The following PRKACB variants were observed in gnomAD, a reference collection of about 807,000 sequenced individuals.
PRKACB encodes the protein protein kinase cAMP-activated catalytic subunit beta.
In PRKACB, 16 loss-of-function variants were observed where a neutral mutation model predicts 51.4. The ratio of observed to expected loss-of-function variants is 0.31; its 90% CI spans 0.21 to 0.47. The LOEUF is 0.47. Ranked by LOEUF, PRKACB falls within the 20% of genes least tolerant of loss-of-function variation. The pLI, the probability that PRKACB is intolerant of heterozygous loss-of-function variation, is 1.00. For synonymous variants in PRKACB, 147 were observed against 154.4 expected, an observed-to-expected ratio of 0.95 and a Z score of 0.35; for missense variants, 309 against 464.5, an observed-to-expected ratio of 0.67 and a Z score of 3.08.
intron 1 of PRKACB, among the ~76,000 whole-genome samples, chr1:84,156,070 C>T (rs1466164020): frequency 6.6e-6 from 1 of 151,998 alleles, no homozygotes; most frequent in Non-Finnish European, 1.5e-5. Flanking sequence ...CTCACTGCAG[C>T]CTTGTTCTCC....
At chr1:84,099,573 T>G (rs184912565) in intron 1 of PRKACB, among the ~76,000 whole-genome samples, 8 of 152,062 alleles carry the variant, frequency 5.3e-5, no homozygotes, top group Admixed American at 4.6e-4. Flanking sequence ...TAAATGAATA[T>G]CCTTTGAGAA....
intron 1 of PRKACB, among the ~76,000 whole-genome samples, chr1:84,083,985 C>T (rs1304987614): frequency 3.3e-5 from 5 of 152,210 alleles, no homozygotes; most frequent in African/African-American, 1.2e-4. Context: ...TCAGGGTGCC[C>T]ATATTCCAGA....
intron 1 of PRKACB, among the ~76,000 whole-genome samples, chr1:84,091,461 G>C (rs1414721472): frequency 6.6e-6 from 1 of 151,846 alleles, no homozygotes; most frequent in Non-Finnish European, 1.5e-5. Context: ...ACAATTTCTT[G>C]GTTCTTTATG....
At chr1:84,196,971 A>G (rs1668397981) in intron 6 of PRKACB, among the ~76,000 whole-genome samples, 1 of 152,210 alleles carries the variant, frequency 6.6e-6, no homozygotes, top group Non-Finnish European at 1.5e-5. Context: ...AGCCTCTTGC[A>G]TAAGGAGATA....
intron 1 of PRKACB, among the ~76,000 whole-genome samples, chr1:84,159,933 TG>T (rs1202263162): frequency 6.6e-6 from 1 of 152,124 alleles, no homozygotes; most frequent in Non-Finnish European, 1.5e-5. Flanking sequence ...AAATCCCACA[TG>T]GTCATTGTGT....
rs182776774 is a variant in PRKACB at position 84,094,996 on chromosome 1, G to A, written c.46+16625G>A. 3.7e-4 allele frequency among the ~76,000 whole-genome samples: 57 copies of A among 152,046 alleles called. No homozygotes were observed. In the East Asian group the frequency reaches 0.01, roughly 28 times the overall value. ...TACAACTGCCTACAGAATTCAGTTA[G>A]TAACATGCAGTATAGGATTGTAGCC... On this transcript the variant is annotated intron_variant, in intron 1 of 8. Transcript: ENST00000370688.
At chr1:84,185,645 C>T (rs183624614) in intron 5 of PRKACB, among the ~76,000 whole-genome samples, 9 of 151,870 alleles carry the variant, frequency 5.9e-5, no homozygotes, top group Admixed American at 1.3e-4. Context: ...AAAGTTCTTG[C>T]TAAGTTTAGT....
intron 9 of PRKACB, among the ~76,000 whole-genome samples, chr1:84,215,841 TAA>T (rs1286688646): frequency 2.0e-5 from 3 of 152,186 alleles, no homozygotes; most frequent in African/African-American, 4.8e-5. Flanking sequence ...TTTGCATGAA[TAA>T]AGTGTTTTCA....
At chr1:84,176,826 C>G (rs1349087614) in intron 1 of PRKACB, among the ~76,000 whole-genome samples, 3 of 151,850 alleles carry the variant, frequency 2.0e-5, no homozygotes, top group African/African-American at 7.2e-5. Context: ...ACAGTAAACT[C>G]AGGAATATTG....
chr1:84,137,499 G>A (rs980831487), intron 1 of PRKACB, among the ~76,000 whole-genome samples: 5 of 152,090 alleles, frequency 3.3e-5, no homozygotes, highest in African/African-American at 1.2e-4. Context: ...CTTAATGTAC[G>A]CAAACTTTAA....
Position 84,175,709 on chromosome 1 carries a change from T to C in PRKACB, c.188-3468T>C. ...AGTAAGTTGTGTTTTTATGAACTTG[T>C]GAAAATGCATAAAAATTGTCTCTCT... is the stretch of plus-strand genomic sequence containing the variant. On this transcript the variant is annotated intron_variant, in intron 1 of 9. Transcript: ENST00000370685. 3 of 1,220,620 alleles carry C rather than the reference T, an allele frequency of 2.5e-6. No homozygotes were observed. The South Asian group carries it at 4.6e-5, about 19-fold the overall frequency. 75.6% of individuals were successfully genotyped at this position (1,220,620 alleles called of 1,614,324 possible). A position where few individuals can be genotyped will look rare whatever the true frequency, so the allele number is the denominator to read the frequency against.
intron 9 of PRKACB, among the ~76,000 whole-genome samples, chr1:84,218,130 T>C (rs1673143560): frequency 6.6e-6 from 1 of 152,194 alleles, no homozygotes; most frequent in Non-Finnish European, 1.5e-5. Flanking sequence ...CTTGATCGTT[T>C]ATTGTTTCTT....
chr1:84,113,216 T>C (rs1367978414), intron 1 of PRKACB, among the ~76,000 whole-genome samples: 1 of 152,172 alleles, frequency 6.6e-6, no homozygotes, highest in East Asian at 1.9e-4. Context: ...GACAAGCATG[T>C]CAAATGTAAA....
chr1:84,211,134 C>G (rs1346326531), intron 8 of PRKACB, among the ~76,000 whole-genome samples: 1 of 141,710 alleles, frequency 7.1e-6, no homozygotes, highest in African/African-American at 2.6e-5. Flanking sequence ...CTGTCACACA[C>G]ACACACACAC....
chr1:84,097,882 A>G (rs1350816584), intron 1 of PRKACB, among the ~76,000 whole-genome samples: 1 of 152,124 alleles, frequency 6.6e-6, no homozygotes, highest in African/African-American at 2.4e-5. Flanking sequence ...GCTCATCCAC[A>G]TTATTAAGGT....
chr1:84,225,166 C>T (rs1382947369), intron 9 of PRKACB, among the ~76,000 whole-genome samples: 5 of 152,160 alleles, frequency 3.3e-5, no homozygotes, highest in Non-Finnish European at 7.4e-5. Context: ...AAGGACTATT[C>T]CTAGGCCCCT....
chr1:84,093,567 T>C (rs1648691729), intron 1 of PRKACB, among the ~76,000 whole-genome samples: 1 of 152,004 alleles, frequency 6.6e-6, no homozygotes, highest in Non-Finnish European at 1.5e-5. Flanking sequence ...AAACTTCATA[T>C]TTTACAAAAA....
At chr1:84,088,242 C>T (rs745823812) in intron 1 of PRKACB, among the ~76,000 whole-genome samples, 2 of 152,130 alleles carry the variant, frequency 1.3e-5, no homozygotes, top group Admixed American at 6.5e-5. Context: ...GTTATATTCA[C>T]TGTTGTCTTC....
chr1:84,095,766 A>G (rs1648879606), intron 1 of PRKACB, among the ~76,000 whole-genome samples: 1 of 152,052 alleles, frequency 6.6e-6, no homozygotes, highest in East Asian at 1.9e-4. Context: ...AATTACATGT[A>G]TATGTAAAAT....
Sources: gnomAD v4.1 joint callset for allele counts (sites outside exome capture counted in the v4.1 genomes callset) on GRCh38, gnomAD v4.1.1 for gene constraint, MANE v1.5 for transcripts, NCBI Gene and HGNC (gene_info 2026-07-23, HGNC 2026-07-21) for gene names.